The following LRRTM4 variants were observed in gnomAD, a reference collection of about 807,000 sequenced individuals.
The protein encoded by LRRTM4 is leucine rich repeat transmembrane neuronal 4.
A neutral mutation model predicts 47.6 loss-of-function variants in LRRTM4; 25 were observed. The observed-to-expected ratio is 0.53, with a 90% CI of 0.38 to 0.73. The LOEUF is 0.73. Among genes scored for constraint, LRRTM4 ranks in the 30% least tolerant of loss-of-function variants. The probability of loss-of-function intolerance (pLI) is 0.00; values close to 1 mark genes in which losing one functional copy is unlikely to be tolerated. For missense variants in LRRTM4, 638 were observed against 713.4 expected (o/e 0.89, Z 1.20); for synonymous variants, 311 against 269.5 (o/e 1.15, Z -1.51).
At chr2:76,863,041 G>A (rs996507430) in intron 3 of LRRTM4, among the ~76,000 whole-genome samples, 1 of 152,162 alleles carries the variant, frequency 6.6e-6, no homozygotes, top group Non-Finnish European at 1.5e-5. Flanking sequence ...AAAATTGGAA[G>A]CATTTAGCTG....
At chr2:76,766,879 G>T (rs1396403358) in intron 3 of LRRTM4, among the ~76,000 whole-genome samples, 4 of 152,136 alleles carry the variant, frequency 2.6e-5, no homozygotes, top group Non-Finnish European at 2.9e-5. Context: ...AAGGAAAAAA[G>T]AACTATCTGA....
intron 3 of LRRTM4, among the ~76,000 whole-genome samples, chr2:77,500,241 T>C (rs976422739): frequency 6.6e-6 from 1 of 151,806 alleles, no homozygotes; most frequent in African/African-American, 2.4e-5. Context: ...GAGAAAGTTG[T>C]TGAGCATTCT....
intron 3 of LRRTM4, among the ~76,000 whole-genome samples, chr2:77,081,054 C>A (rs1252843998): frequency 6.6e-6 from 1 of 152,154 alleles, no homozygotes; most frequent in African/African-American, 2.4e-5. Flanking sequence ...GCCTCCCATG[C>A]TGCTTATGTA....
chr2:77,508,596 C>A (rs1678864751), intron 3 of LRRTM4, among the ~76,000 whole-genome samples: 1 of 151,898 alleles, frequency 6.6e-6, no homozygotes, highest in Non-Finnish European at 1.5e-5. Context: ...GTCAGTAGTG[C>A]CCTCTCTCAT....
chr2:77,208,958 T>G (rs1674217132), intron 3 of LRRTM4, among the ~76,000 whole-genome samples: 1 of 152,180 alleles, frequency 6.6e-6, no homozygotes, highest in South Asian at 2.1e-4. Flanking sequence ...ATTCTGTGAT[T>G]CAGTACTCAC....
chr2:76,956,612 G>T (rs1675683385), intron 3 of LRRTM4, among the ~76,000 whole-genome samples: 1 of 150,080 alleles, frequency 6.7e-6, no homozygotes, highest in Non-Finnish European at 1.5e-5. Context: ...ATAAACACTT[G>T]ATAAGAAAAA....
intron 3 of LRRTM4, among the ~76,000 whole-genome samples, chr2:77,100,360 A>G (rs1395500229): frequency 6.6e-6 from 1 of 152,198 alleles, no homozygotes; most frequent in East Asian, 1.9e-4. Context: ...CATACAACAT[A>G]ATAGGAAATA....
intron 3 of LRRTM4, among the ~76,000 whole-genome samples, chr2:77,474,877 T>G (rs1028057950): frequency 6.6e-6 from 1 of 152,074 alleles, no homozygotes; most frequent in Admixed American, 6.6e-5. Flanking sequence ...CTTCGTAATA[T>G]GAATATATTT....
intron 3 of LRRTM4, among the ~76,000 whole-genome samples, chr2:77,054,002 T>C (rs1389498864): frequency 1.3e-5 from 2 of 152,284 alleles, no homozygotes; most frequent in Non-Finnish European, 2.9e-5. Context: ...GTGAAAAGTA[T>C]TGTATGATAA....
intron 3 of LRRTM4, among the ~76,000 whole-genome samples, chr2:76,974,225 T>TATATATATAA (rs1226423130): frequency 1.0e-5 from 1 of 99,068 alleles, no homozygotes. Context: ...TATATATACA[T>TATATATATAA]ACATATATAT....
rs1417452620 is a variant in LRRTM4 at position 77,430,994 on chromosome 2, ACT to A, written c.1551+87322_1551+87323del. On this transcript the variant is annotated intron_variant, in intron 3 of 3. Coordinates refer to ENST00000409884, the MANE Select transcript of LRRTM4 (RefSeq NM_001134745.3). ...CTTTCTCCAGCCATTGGACATCCGAACTCTAGGTTTTCTGGCCTTTAGACTCT... is the reference window on the plus strand; with the variant it reads ...CTTTCTCCAGCCATTGGACATCCGAACTAGGTTTTCTGGCCTTTAGACTCT... Among the ~76,000 whole-genome samples the A allele has an allele frequency of 1.4e-5, 2 of 148,012 alleles. 1 individual carries two copies. Among genetic ancestry groups the A allele is most frequent in the African/African-American group, 5.3e-5 (2 of 37,752 alleles).
intron 3 of LRRTM4, among the ~76,000 whole-genome samples, chr2:77,048,307 T>C (rs1679301633): frequency 6.6e-6 from 1 of 152,070 alleles, no homozygotes; most frequent in Non-Finnish European, 1.5e-5. Context: ...TTATGCTAAA[T>C]GAGTCAAGGG....
intron 3 of LRRTM4, among the ~76,000 whole-genome samples, chr2:77,460,766 A>C: frequency 6.6e-6 from 1 of 151,954 alleles, no homozygotes; most frequent in Admixed American, 6.6e-5. Flanking sequence ...TCTATTACTA[A>C]GTTTTAAAAC....
Position 77,132,642 on chromosome 2 carries a change from T to C in LRRTM4, c.1552-383726A>G, listed in dbSNP as rs372511897. The stretch of plus-strand genomic sequence containing the variant: ...AGGGGACACGTGCTGTGTCCTCACA[T>C]GGTGAAAGAGCAGAAGAGCAAAAAG... On this transcript the variant is annotated intron_variant, in intron 3 of 3. Transcript: ENST00000409884. Among the ~76,000 whole-genome samples, 15 of 152,264 alleles carry C rather than the reference T, an allele frequency of 9.9e-5. No homozygotes were observed. The South Asian group carries it at 1.2e-3, about 13-fold the overall frequency.
intron 3 of LRRTM4, among the ~76,000 whole-genome samples, chr2:77,240,361 T>G (rs2103988514): frequency 6.6e-6 from 1 of 152,090 alleles, no homozygotes; most frequent in African/African-American, 2.4e-5. Flanking sequence ...ATCAATTCAT[T>G]ACAGAATAAA....
chr2:77,000,702 T>C (rs1677388847), intron 3 of LRRTM4, among the ~76,000 whole-genome samples: 1 of 152,188 alleles, frequency 6.6e-6, no homozygotes, highest in Non-Finnish European at 1.5e-5. Context: ...CTTATAGAAC[T>C]CAAGAGTAGT....
intron 3 of LRRTM4, among the ~76,000 whole-genome samples, chr2:77,324,315 A>G (rs1227278948): frequency 6.6e-6 from 1 of 152,176 alleles, no homozygotes; most frequent in African/African-American, 2.4e-5. Context: ...GGGACTTAAC[A>G]GTCCTGTGGG....
At chr2:76,814,429 T>C (rs1432704079) in intron 3 of LRRTM4, among the ~76,000 whole-genome samples, 1 of 152,106 alleles carries the variant, frequency 6.6e-6, no homozygotes, top group Non-Finnish European at 1.5e-5. Flanking sequence ...GTATCTATTT[T>C]GTAACAATGT....
intron 3 of LRRTM4, among the ~76,000 whole-genome samples, chr2:76,897,952 C>T (rs1347242052): frequency 6.6e-6 from 1 of 152,254 alleles, no homozygotes; most frequent in East Asian, 1.9e-4. Flanking sequence ...ATAGGAAACG[C>T]TTTACATGAA....
Sources: allele counts gnomAD v4.1 joint callset (sites outside exome capture counted in the v4.1 genomes callset), GRCh38; gene constraint gnomAD v4.1.1; transcripts MANE v1.5; gene names NCBI Gene and HGNC (gene_info 2026-07-23, HGNC 2026-07-21).